BRAF: variants seen among roughly 807,000 people sequenced by gnomAD.
The protein encoded by BRAF is B-Raf proto-oncogene, serine/threonine kinase, also known as serine/threonine-protein kinase B-raf.
A neutral mutation model predicts 104.6 loss-of-function variants in BRAF; 16 were observed. The ratio of observed to expected loss-of-function variants is 0.15; its 90% confidence interval spans 0.10 to 0.23. The LOEUF is 0.23. Among genes scored for constraint, BRAF ranks in the 10% least tolerant of loss-of-function variants. The pLI, the probability that BRAF is intolerant of heterozygous loss-of-function variation, is 1.00. For synonymous variants in BRAF, 310 were observed against 341.6 expected, an observed-to-expected ratio of 0.91 and a Z score of 1.02; for missense variants, 541 against 937.3, an observed-to-expected ratio of 0.58 and a Z score of 5.52.
chr7:140,743,435 A>G (rs1256914487), intron 17 of BRAF, among the ~76,000 whole-genome samples: 1 of 152,164 alleles, frequency 6.6e-6, no homozygotes, highest in Non-Finnish European at 1.5e-5. Context: ...GACATGGATG[A>G]AACTGGAAAT....
At chr7:140,869,389 T>C (rs1405381073) in intron 1 of BRAF, among the ~76,000 whole-genome samples, 1 of 152,142 alleles carries the variant, frequency 6.6e-6, no homozygotes, top group African/African-American at 2.4e-5. Context: ...TCCCAGCACT[T>C]TGGGAGGCCA....
At chr7:140,877,169 G>A (rs1401545147) in intron 1 of BRAF, among the ~76,000 whole-genome samples, 1 of 152,056 alleles carries the variant, frequency 6.6e-6, no homozygotes, top group East Asian at 1.9e-4. Flanking sequence ...CACAAGGCTA[G>A]TTCAATATTC....
intron 1 of BRAF, among the ~76,000 whole-genome samples, chr7:140,873,189 T>TTTTA (rs1811815903): frequency 8.2e-6 from 1 of 121,302 alleles, no homozygotes; most frequent in Admixed American, 7.8e-5. Flanking sequence ...TTTTTTTTTT[T>TTTTA]GAGACAGAGT....
chr7:140,721,712 AGACAATACATG>A lies in BRAF; in HGVS notation c.*4771_*4781del. The A allele has an allele frequency of 6.5e-7, 1 of 1,528,054 alleles. No homozygotes were observed. Among genetic ancestry groups the A allele is most frequent in the Non-Finnish European group, 8.7e-7 (1 of 1,143,696 alleles). 94.7% of individuals were successfully genotyped at this position (1,528,054 alleles called of 1,614,324 possible). ...GTATAACATTTCAAGGATGTGCTGG[AGACAATACATG>A]GACTTTCTCTTTCAATGGTGAGGAA... On this transcript the variant is annotated 3_prime_UTR_variant, in exon 20 of 20. Transcript: ENST00000644969.
rs551097698 is a variant in BRAF, at chr7:140,902,750, C to T, written c.138+21816G>A. Among the ~76,000 whole-genome samples the T allele has an allele frequency of 6.6e-5, 10 of 152,212 alleles. No individual in the cohort carries two copies. In the East Asian group the frequency reaches 1.2e-3, roughly 18 times the overall value. On this transcript the variant is annotated intron_variant, in intron 1 of 19. Coordinates refer to ENST00000644969, the MANE Select transcript of BRAF (RefSeq NM_001374258.1). ...GAGTTTGAGACCAGCCTAGCCAACA[C>T]AGTGAGACCCTCTAAGAATTAAAAG...
chr7:140,843,770 C>G (rs931189235), intron 2 of BRAF, among the ~76,000 whole-genome samples: 2 of 152,116 alleles, frequency 1.3e-5, no homozygotes, highest in Non-Finnish European at 2.9e-5. Context: ...CTTTGGGAGG[C>G]TGAGGCGGGC....
intron 3 of BRAF, among the ~76,000 whole-genome samples, chr7:140,809,283 C>G (rs1485260714): frequency 1.3e-5 from 2 of 152,094 alleles, no homozygotes; most frequent in Non-Finnish European, 2.9e-5. Context: ...AATATACCCA[C>G]CAACGCAGTA....
rs80054504 is a variant in BRAF, at chr7:140,886,744, T to C, written c.139-36532A>G. On this transcript the variant is annotated intron_variant, in intron 1 of 19. Coordinates refer to ENST00000644969, the MANE Select transcript of BRAF (RefSeq NM_001374258.1). ...CCCCCATTTTTTCTTTTGGCACATATCACAATTCAGAATTTGCGTGTGTGT... is the reference window on the plus strand; with the variant it reads ...CCCCCATTTTTTCTTTTGGCACATACCACAATTCAGAATTTGCGTGTGTGT... Among the ~76,000 whole-genome samples, 95 of 152,336 alleles carry C rather than the reference T, an allele frequency of 6.2e-4. No homozygotes were observed. In the East Asian group the frequency reaches 0.017, roughly 27 times the overall value.
intron 2 of BRAF, among the ~76,000 whole-genome samples, chr7:140,844,261 TA>T (rs1424397569): frequency 6.6e-6 from 1 of 152,070 alleles, no homozygotes; most frequent in Non-Finnish European, 1.5e-5. Flanking sequence ...AAAATAAAAA[TA>T]AAAATAAATT....
At chr7:140,834,216 ATC>A (rs1032455921) in intron 3 of BRAF, 4 of 281,638 alleles carry the variant, frequency 1.4e-5, no homozygotes, top group African/African-American at 8.8e-5. Context: ...AAACATATCA[ATC>A]ACACTGAACG....
intron 14 of BRAF, among the ~76,000 whole-genome samples, chr7:140,776,146 A>C (rs73491841): frequency 0.094 from 14,272 of 152,168 alleles, 2,137 homozygotes; most frequent in African/African-American, 0.32. Flanking sequence ...CTCCTTCATA[A>C]CATTATAAAG....
At chr7:140,761,590 T>C (rs1300282606) in intron 14 of BRAF, among the ~76,000 whole-genome samples, 1 of 152,052 alleles carries the variant, frequency 6.6e-6, no homozygotes, top group Non-Finnish European at 1.5e-5. Flanking sequence ...AGACACAGAC[T>C]GGCAAACTGG....
intron 1 of BRAF, among the ~76,000 whole-genome samples, chr7:140,858,590 A>C (rs1289506831): frequency 1.3e-5 from 2 of 152,200 alleles, no homozygotes. Flanking sequence ...CAAATAATTC[A>C]GTGCATGCAG....
intron 17 of BRAF, among the ~76,000 whole-genome samples, chr7:140,746,692 TG>T (rs1435153046): frequency 6.6e-6 from 1 of 151,366 alleles, no homozygotes; most frequent in Non-Finnish European, 1.5e-5. Context: ...ATTAGCTGGG[TG>T]TAGTGCTGCG....
rs541565989 is a variant in BRAF, at chr7:140,863,336, T to C, written c.139-13124A>G. Among the ~76,000 whole-genome samples the C allele has an allele frequency of 1.1e-4, 16 of 152,282 alleles. No individual in the cohort carries two copies. The South Asian group carries it at 1.4e-3, about 14-fold the overall frequency. Reference sequence around the variant, plus strand: ...TTTCCAACTAGAAAGTTAAAGATAGTGACTGTGGCTATATGGTAAGCAAGG... The same window carrying C: ...TTTCCAACTAGAAAGTTAAAGATAGCGACTGTGGCTATATGGTAAGCAAGG... On this transcript the variant is annotated intron_variant, in intron 1 of 19. Coordinates refer to ENST00000644969, the MANE Select transcript of BRAF (RefSeq NM_001374258.1).
intron 3 of BRAF, among the ~76,000 whole-genome samples, chr7:140,809,618 G>A (rs1028419430): frequency 2.0e-5 from 3 of 152,152 alleles, no homozygotes; most frequent in Admixed American, 6.5e-5. Context: ...CCCCCGGCAA[G>A]AGCAACTGGT....
In BRAF at chr7:140,749,305, G is replaced by A. The variant is rs772112410; in HGVS notation, c.2094C>T (p.Asn698=). ...ELMTGQLPYS[N]INNRDQIIFM... is the part of the protein sequence containing the mutation. ...TATTTACCTGGTCCCTGTTGTTGAT[G>A]TTTGAATAAGGTAACTGTCCAGTCA... Residue 698 remains asparagine (N), a synonymous_variant, in exon 17 of 20, where the codon AAC becomes AAT. Coordinates refer to ENST00000644969, the MANE Select transcript of BRAF (RefSeq NM_001374258.1). 6.2e-7 allele frequency: 1 copy of A among 1,611,476 alleles called. No homozygotes were observed. Among genetic ancestry groups the A allele is most frequent in the Non-Finnish European group, 8.5e-7 (1 of 1,179,400 alleles).
Position 140,726,448 on chromosome 7 carries a change from G to C in BRAF, c.*46C>G, listed in dbSNP as rs1421124767. ...GTGTTTTGATGTTAACAAATTGTAC[G>C]AACACAAGACTTAAGAAATAAGAGC... On this transcript the variant is annotated 3_prime_UTR_variant, in exon 20 of 20. Transcript: ENST00000644969. 1 of 1,532,804 alleles carries C rather than the reference G, an allele frequency of 6.5e-7. No homozygotes were observed. The highest frequency in any genetic ancestry group is 2.4e-5 in the East Asian group (1 of 40,906). 95.0% of individuals were successfully genotyped at this position (1,532,804 alleles called of 1,614,324 possible).
In BRAF at chr7:140,721,756, A is replaced by G. The variant is rs550809428; in HGVS notation, c.*4738T>C. 199 of 1,497,764 alleles carry G rather than the reference A, an allele frequency of 1.3e-4. 2 individuals are homozygous for G. In the South Asian group the frequency reaches 1.5e-3, roughly 12 times the overall value. The allele number at this position is 1,497,764 out of a possible 1,614,324, so 92.8% of individuals were successfully genotyped here. On this transcript the variant is annotated 3_prime_UTR_variant, in exon 20 of 20. Transcript: ENST00000644969. ...TCTTTCAATGGTGAGGAATGAAACA[A>G]GATACAAGAACCACAGCATGGAATA... is the stretch of plus-strand genomic sequence containing the variant.
Sources: allele counts gnomAD v4.1 joint callset (sites outside exome capture counted in the v4.1 genomes callset), GRCh38; gene constraint gnomAD v4.1.1; transcripts MANE v1.5; gene names NCBI Gene and HGNC (gene_info 2026-07-23, HGNC 2026-07-21).